The following SH2D4B variants were observed in gnomAD, a reference collection of about 807,000 sequenced individuals.
SH2D4B encodes SH2 domain containing 4B.
Under a neutral mutation model 61.5 loss-of-function variants are expected in SH2D4B, and 45 were observed. That is an observed-to-expected ratio of 0.73 (90% CI 0.58 to 0.94). The LOEUF is 0.94. Among genes scored for constraint, SH2D4B ranks in the 40% least tolerant of loss-of-function variants. The pLI is 0.00. For synonymous variants in SH2D4B, 224 were observed against 220.4 expected (o/e 1.02, Z -0.14); for missense variants, 572 against 574.2 (o/e 1.00, Z 0.04).
Position 80,588,993 on chromosome 10 carries a change from T to C in SH2D4B, c.643+216T>C, listed in dbSNP as rs879226084. On this transcript the variant is annotated intron_variant, in intron 4 of 7. Transcript: ENST00000646907. ...CCTGCCTGTTGGGGATATTTCTTTT[T>C]CTTTTTCTTTTTTTTTTTGTTCTTT... Among the ~76,000 whole-genome samples, 5 of 134,858 alleles carry C rather than the reference T, an allele frequency of 3.7e-5. No homozygotes were observed. The South Asian group carries it at 1.1e-3, about 30-fold the overall frequency. The allele number at this position is 134,858 out of a possible 152,430, so 88.5% of individuals were successfully genotyped here.
chr10:80,617,869 T>C (rs572486299), intron 6 of SH2D4B, among the ~76,000 whole-genome samples: 1 of 152,380 alleles, frequency 6.6e-6, no homozygotes, highest in East Asian at 1.9e-4. Context: ...AGAAAGGGCC[T>C]GCTTGTCTCT....
At chr10:80,604,646 T>TC (rs146721509) in intron 5 of SH2D4B, among the ~76,000 whole-genome samples, 3 of 151,556 alleles carry the variant, frequency 2.0e-5, no homozygotes, top group African/African-American at 4.9e-5. Context: ...TTTCTTCCCC[T>TC]CCCCCCTTCC....
intron 3 of SH2D4B, among the ~76,000 whole-genome samples, chr10:80,584,966 G>T (rs577533398): frequency 6.6e-6 from 1 of 152,178 alleles, no homozygotes; most frequent in Non-Finnish European, 1.5e-5. Context: ...TCCAGGCATT[G>T]GTTTAATTAA....
intron 1 of SH2D4B, among the ~76,000 whole-genome samples, chr10:80,560,395 T>C (rs1260729226): frequency 1.3e-5 from 2 of 149,848 alleles, no homozygotes; most frequent in African/African-American, 4.9e-5. Flanking sequence ...TGAGACAGAG[T>C]CTTGTTTTGT....
intron 3 of SH2D4B, among the ~76,000 whole-genome samples, chr10:80,579,564 C>T (rs1198881782): frequency 1.3e-5 from 2 of 152,042 alleles, no homozygotes; most frequent in Non-Finnish European, 2.9e-5. Context: ...CTGTGACCTT[C>T]CTTCTCTGCT....
intron 6 of SH2D4B, among the ~76,000 whole-genome samples, chr10:80,623,893 T>C (rs1034657849): frequency 2.0e-5 from 3 of 152,214 alleles, no homozygotes; most frequent in Admixed American, 2.0e-4. Context: ...GAAACCCAGA[T>C]TGTCTACAAT....
intron 1 of SH2D4B, among the ~76,000 whole-genome samples, chr10:80,568,842 T>G (rs1023091818): frequency 2.0e-5 from 3 of 152,196 alleles, no homozygotes; most frequent in African/African-American, 7.2e-5. Context: ...CAACCAACAC[T>G]TATTCCTAAT....
chr10:80,639,272 G>A (rs143642605), intron 7 of SH2D4B, among the ~76,000 whole-genome samples: 181 of 152,336 alleles, frequency 1.2e-3, no homozygotes, highest in African/African-American at 3.9e-3. Flanking sequence ...GTTGATTTGG[G>A]ATGGAGAGTT....
chr10:80,569,310 A>G (rs1227430214), intron 1 of SH2D4B, among the ~76,000 whole-genome samples: 1 of 152,162 alleles, frequency 6.6e-6, no homozygotes, highest in Admixed American at 6.5e-5. Context: ...GGAGTGACAC[A>G]AGTTTCTTCC....
chr10:80,634,326 A>G lies in SH2D4B; in HGVS notation c.1030A>G (p.Met344Val), dbSNP rs934631717. 1.3e-6 allele frequency: 2 copies of G among 1,544,866 alleles called. No homozygotes were observed. The highest frequency in any genetic ancestry group is 1.7e-6 in the Non-Finnish European group (2 of 1,143,330). The stretch of plus-strand genomic sequence containing the variant: ...AGATGCAGAAGCTCTCCTGGAGAAC[A>G]TGACTGAGGGAGCATTCCTGGTCCG... ...REDAEALLEN[M>V]TEGAFLVRVS... The change falls in exon 7 of 8, where the codon ATG becomes GTG. Residue 344 changes from methionine (M) to valine (V), a missense_variant. Physicochemically the swap from Met to Val is conservative, Grantham distance 21. Coordinates refer to ENST00000646907, the MANE Select transcript of SH2D4B (RefSeq NM_001388272.1).
At chr10:80,633,304 CAG>C (rs1842854570) in intron 6 of SH2D4B, among the ~76,000 whole-genome samples, 1 of 152,198 alleles carries the variant, frequency 6.6e-6, no homozygotes, top group Non-Finnish European at 1.5e-5. Context: ...TCCAGAATAA[CAG>C]ATGCTAACAG....
chr10:80,615,738 C>G (rs541680485), intron 6 of SH2D4B, among the ~76,000 whole-genome samples: 3 of 152,324 alleles, frequency 2.0e-5, no homozygotes, highest in South Asian at 2.1e-4. Flanking sequence ...GATTTGGAAT[C>G]TGTTGAGAGG....
At chr10:80,590,508 C>T (rs1842313719) in intron 4 of SH2D4B, among the ~76,000 whole-genome samples, 1 of 152,042 alleles carries the variant, frequency 6.6e-6, no homozygotes, top group Non-Finnish European at 1.5e-5. Context: ...TACACGTGGA[C>T]AGTGGGAAAC....
intron 6 of SH2D4B, among the ~76,000 whole-genome samples, chr10:80,631,741 G>A (rs937869544): frequency 5.3e-5 from 8 of 150,146 alleles, no homozygotes; most frequent in African/African-American, 1.9e-4. Context: ...CTTATATGTG[G>A]AATCTAAAAA....
chr10:80,579,697 C>CTT (rs113058326), intron 3 of SH2D4B, among the ~76,000 whole-genome samples: 3 of 151,194 alleles, frequency 2.0e-5, no homozygotes, highest in African/African-American at 7.3e-5. Context: ...AGGCCACTCC[C>CTT]TTTTTTTTTC....
At chr10:80,558,789 G>A (rs763866179) in intron 1 of SH2D4B, among the ~76,000 whole-genome samples, 1 of 152,176 alleles carries the variant, frequency 6.6e-6, no homozygotes, top group Non-Finnish European at 1.5e-5. Context: ...ACAGGTGTGA[G>A]CCGCTGCACA....
At chr10:80,596,476 C>T (rs1044292948) in intron 4 of SH2D4B, among the ~76,000 whole-genome samples, 6 of 152,176 alleles carry the variant, frequency 3.9e-5, no homozygotes, top group Admixed American at 6.5e-5. Context: ...GGGCATCAGG[C>T]GCAAATGAAG....
At chr10:80,569,898 G>T (rs148493411) in intron 1 of SH2D4B, among the ~76,000 whole-genome samples, 5 of 152,274 alleles carry the variant, frequency 3.3e-5, no homozygotes, top group Non-Finnish European at 7.4e-5. Flanking sequence ...CATTCTCTCT[G>T]CTGGAGATGG....
At chr10:80,551,340 C>T (rs1241898125) in intron 1 of SH2D4B, among the ~76,000 whole-genome samples, 1 of 152,136 alleles carries the variant, frequency 6.6e-6, no homozygotes, top group Admixed American at 6.6e-5. Flanking sequence ...AGATGTGAGC[C>T]ACCGCGCCTG....
Sources: gnomAD v4.1 joint callset for allele counts (sites outside exome capture counted in the v4.1 genomes callset) on GRCh38, gnomAD v4.1.1 for gene constraint, MANE v1.5 for transcripts, NCBI Gene and HGNC (gene_info 2026-07-23, HGNC 2026-07-21) for gene names.